The following ERC2 variants were observed in gnomAD, a reference collection of about 807,000 sequenced individuals.
The protein encoded by ERC2 is ELKS/RAB6-interacting/CAST family member 2, also known as ERC protein 2.
Under a neutral mutation model 114.8 loss-of-function variants are expected in ERC2, and 42 were observed. The ratio of observed to expected loss-of-function variants is 0.37; its 90% CI spans 0.29 to 0.47. The LOEUF (loss-of-function observed/expected upper bound fraction) is 0.47, where lower values mean the gene tolerates loss of function less well. Among genes scored for constraint, ERC2 ranks in the 20% least tolerant of loss-of-function variants. The probability of loss-of-function intolerance (pLI) is 0.99; values close to 1 mark genes in which losing one functional copy is unlikely to be tolerated. For missense variants in ERC2, 939 were observed against 1,150.7 expected, an observed-to-expected ratio of 0.82 and a Z score of 2.66; for synonymous variants, 454 against 425.5, an observed-to-expected ratio of 1.07 and a Z score of -0.82.
At chr3:55,944,203 C>G (rs979634920) in intron 13 of ERC2, among the ~76,000 whole-genome samples, 1 of 152,200 alleles carries the variant, frequency 6.6e-6, no homozygotes, top group Non-Finnish European at 1.5e-5. Flanking sequence ...AAATATGTTG[C>G]GTTTCATTCA....
chr3:55,542,062 T>G (rs2107347434), intron 17 of ERC2, among the ~76,000 whole-genome samples: 1 of 152,324 alleles, frequency 6.6e-6, no homozygotes, highest in East Asian at 1.9e-4. Flanking sequence ...ATTTTACTGT[T>G]GAGAAAATTG....
intron 14 of ERC2, among the ~76,000 whole-genome samples, chr3:55,778,450 A>T (rs2068778709): frequency 6.6e-6 from 1 of 152,166 alleles, no homozygotes; most frequent in South Asian, 2.1e-4. Flanking sequence ...TCATTTCTCA[A>T]TTTTATTTTC....
At chr3:56,117,911 G>A (rs1041755679) in intron 6 of ERC2, among the ~76,000 whole-genome samples, 9 of 152,198 alleles carry the variant, frequency 5.9e-5, no homozygotes, top group African/African-American at 1.9e-4. Context: ...GGGGTTTAGA[G>A]GTGAGCAGAT....
chr3:56,210,089 A>G (rs1455548932), intron 3 of ERC2, among the ~76,000 whole-genome samples: 4 of 152,214 alleles, frequency 2.6e-5, no homozygotes, highest in African/African-American at 7.2e-5. Flanking sequence ...ATTGCAAGTA[A>G]AACTCCTGAT....
At chr3:56,119,029 T>G (rs974045355) in intron 6 of ERC2, among the ~76,000 whole-genome samples, 1 of 152,218 alleles carries the variant, frequency 6.6e-6, no homozygotes, top group African/African-American at 2.4e-5. Flanking sequence ...CAGTCTCTTT[T>G]GCAACGAATT....
chr3:56,292,409 C>T (rs2055147495), intron 3 of ERC2, among the ~76,000 whole-genome samples: 1 of 143,276 alleles, frequency 7.0e-6, no homozygotes, highest in Non-Finnish European at 1.5e-5. Flanking sequence ...GAAACCCCGT[C>T]TGTACCAAAA....
At chr3:55,701,064 A>G (rs1029520874) in intron 15 of ERC2, among the ~76,000 whole-genome samples, 2 of 152,196 alleles carry the variant, frequency 1.3e-5, no homozygotes, top group Admixed American at 6.5e-5. Flanking sequence ...CAATACTTTC[A>G]GAGAGCCAGA....
intron 13 of ERC2, among the ~76,000 whole-genome samples, chr3:55,908,632 C>T (rs2064612211): frequency 6.6e-6 from 1 of 152,166 alleles, no homozygotes; most frequent in African/African-American, 2.4e-5. Context: ...TGGCCGGTCA[C>T]TCTCTTCCCC....
At chr3:56,142,181 G>A (rs1346891160) in intron 5 of ERC2, among the ~76,000 whole-genome samples, 1 of 151,692 alleles carries the variant, frequency 6.6e-6, no homozygotes, top group Admixed American at 6.6e-5. Context: ...AGAATTTTTT[G>A]TTTCATCTAA....
chr3:55,857,154 T>C (rs1163218438), intron 14 of ERC2, among the ~76,000 whole-genome samples: 2 of 152,172 alleles, frequency 1.3e-5, no homozygotes, highest in African/African-American at 2.4e-5. Flanking sequence ...TTATATTGGT[T>C]ACAAGGGTGA....
chr3:55,758,405 A>C (rs930019386), intron 14 of ERC2, among the ~76,000 whole-genome samples: 1 of 152,138 alleles, frequency 6.6e-6, no homozygotes, highest in African/African-American at 2.4e-5. Flanking sequence ...GCCTCTTCTC[A>C]TTTCACGCTT....
chr3:55,958,319 G>A (rs2068106414), intron 12 of ERC2, among the ~76,000 whole-genome samples: 1 of 152,166 alleles, frequency 6.6e-6, no homozygotes, highest in South Asian at 2.1e-4. Context: ...TGTGAATCTG[G>A]ATGAGTCCAG....
At chr3:55,799,379 C>A (rs2070790062) in intron 14 of ERC2, among the ~76,000 whole-genome samples, 1 of 137,160 alleles carries the variant, frequency 7.3e-6, no homozygotes, top group Middle Eastern at 3.8e-3. Context: ...TATATATATG[C>A]CTTATATATA....
At chr3:56,116,204 A>G (rs1412905529) in intron 6 of ERC2, among the ~76,000 whole-genome samples, 1 of 152,224 alleles carries the variant, frequency 6.6e-6, no homozygotes, top group Non-Finnish European at 1.5e-5. Context: ...GAATAAAAAG[A>G]AAATCTTTTT....
rs7355858 is a variant in ERC2 at position 56,284,524 on chromosome 3, A to G, written c.1074+11495T>C. Among the ~76,000 whole-genome samples, 216 of 152,336 alleles carry G rather than the reference A, an allele frequency of 1.4e-3. 1 individual carries two copies. Among genetic ancestry groups the G allele is most frequent in the African/African-American group, 5.1e-3 (211 of 41,582 alleles). ...GATAAAACCACTACACTCCAAAATT[A>G]TTCCGAAGTTTGGTGGTGCTAGAAG... is the stretch of plus-strand genomic sequence containing the variant. On this transcript the variant is annotated intron_variant, in intron 3 of 17. Coordinates refer to ENST00000288221, the MANE Select transcript of ERC2 (RefSeq NM_015576.3).
intron 3 of ERC2, among the ~76,000 whole-genome samples, chr3:56,263,358 A>T (rs2053074646): frequency 6.6e-6 from 1 of 151,198 alleles, no homozygotes. Flanking sequence ...ATACAGTGAA[A>T]TTAAAAAAAA....
At chr3:55,519,383 T>C (rs539329758) in intron 17 of ERC2, among the ~76,000 whole-genome samples, 2 of 152,348 alleles carry the variant, frequency 1.3e-5, no homozygotes, top group East Asian at 1.9e-4. Flanking sequence ...TGGCTGGCTA[T>C]GGATGTTAAT....
intron 10 of ERC2, among the ~76,000 whole-genome samples, chr3:55,996,440 A>G (rs2071516875): frequency 6.6e-6 from 1 of 152,198 alleles, no homozygotes; most frequent in Admixed American, 6.6e-5. Flanking sequence ...TCCACTGATT[A>G]AACAGGTCAG....
At chr3:56,255,474 T>A (rs1329019839) in intron 3 of ERC2, among the ~76,000 whole-genome samples, 1 of 152,206 alleles carries the variant, frequency 6.6e-6, no homozygotes, top group Admixed American at 6.5e-5. Context: ...CACTACCATC[T>A]TGACCATGCA....
Sources: gnomAD v4.1 joint callset for allele counts (sites outside exome capture counted in the v4.1 genomes callset) on GRCh38, gnomAD v4.1.1 for gene constraint, MANE v1.5 for transcripts, NCBI Gene and HGNC (gene_info 2026-07-23, HGNC 2026-07-21) for gene names.